Variants in TDRD3 observed in about 807,000 individuals in gnomAD.
TDRD3 encodes tudor domain containing 3.
In TDRD3, 45 loss-of-function variants were observed where a neutral mutation model predicts 86.7. That is an observed-to-expected ratio of 0.52 (90% CI 0.41 to 0.67). The LOEUF is 0.67. Among genes scored for constraint, TDRD3 ranks in the 30% least tolerant of loss-of-function variants. The pLI, the probability that TDRD3 is intolerant of heterozygous loss-of-function variation, is 0.00. For missense variants in TDRD3, 814 were observed against 889.0 expected (o/e 0.92, Z 1.07); for synonymous variants, 298 against 301.7 (o/e 0.99, Z 0.13).
chr13:60,535,237 C>G lies in TDRD3; in HGVS notation c.2118+4C>G. On this transcript the variant is annotated splice_donor_region_variant and intron_variant, in intron 12 of 13. Transcript: ENST00000377881. ...GCCCATTCAAACAGAGGCATGGGTA[C>G]GTGATACATATTCTGTACAAAGGCA... is the stretch of plus-strand genomic sequence containing the variant. 6.2e-7 allele frequency: 1 copy of G among 1,611,856 alleles called. No homozygotes were observed. The highest frequency in any genetic ancestry group is 8.5e-7 in the Non-Finnish European group (1 of 1,178,964).
intron 12 of TDRD3, among the ~76,000 whole-genome samples, chr13:60,560,465 T>C (rs915201070): frequency 6.6e-6 from 1 of 152,236 alleles, no homozygotes; most frequent in African/African-American, 2.4e-5. Flanking sequence ...GATTAAAATA[T>C]GGATGCAGCT....
At chr13:60,530,165 A>G (rs1040721594) in intron 11 of TDRD3, among the ~76,000 whole-genome samples, 4 of 152,184 alleles carry the variant, frequency 2.6e-5, no homozygotes, top group Non-Finnish European at 5.9e-5. Flanking sequence ...TTGAATTGGT[A>G]TCTTTTTGCA....
intron 4 of TDRD3, 39 bp downstream of exon 4, chr13:60,460,579 T>C (rs1955781429): frequency 6.7e-7 from 1 of 1,494,636 alleles, no homozygotes; most frequent in Non-Finnish European, 8.9e-7. Flanking sequence ...TTACAGAATG[T>C]TGAAGGTGCT....
intron 10 of TDRD3, among the ~76,000 whole-genome samples, chr13:60,516,267 T>A (rs995923052): frequency 1.8e-4 from 28 of 152,246 alleles, no homozygotes; most frequent in African/African-American, 6.8e-4. Flanking sequence ...GGACTTGTTA[T>A]GTCATATCAG....
intron 4 of TDRD3, 141 bp from the exon 5 acceptor site, chr13:60,467,097 C>T: frequency 1.1e-6 from 1 of 875,208 alleles, no homozygotes; most frequent in Non-Finnish European, 1.7e-6. Context: ...CTATTAAGCC[C>T]AGCATGCATT....
intron 3 of TDRD3, among the ~76,000 whole-genome samples, chr13:60,454,673 T>C (rs554871431): frequency 6.6e-6 from 1 of 152,234 alleles, no homozygotes; most frequent in East Asian, 1.9e-4. Flanking sequence ...AGTTGCAGTG[T>C]TGTTACTGCC....
intron 12 of TDRD3, among the ~76,000 whole-genome samples, chr13:60,561,974 A>G (rs1958344799): frequency 1.3e-5 from 2 of 152,088 alleles, no homozygotes; most frequent in African/African-American, 4.8e-5. Context: ...ATAATAATAC[A>G]TGACTCCCAT....
At chr13:60,503,459 G>A (rs374961236) in intron 8 of TDRD3, among the ~76,000 whole-genome samples, 15 of 152,032 alleles carry the variant, frequency 9.9e-5, no homozygotes, top group African/African-American at 3.1e-4. Context: ...TTAGACATTC[G>A]ACTTTTAGAA....
intron 8 of TDRD3, among the ~76,000 whole-genome samples, chr13:60,494,931 A>C (rs1418545534): frequency 6.6e-6 from 1 of 152,150 alleles, no homozygotes; most frequent in African/African-American, 2.4e-5. Context: ...TTTGTTTTCT[A>C]CTGCTCTTTG....
At chr13:60,405,311 C>G (rs1954208595) in intron 1 of TDRD3, among the ~76,000 whole-genome samples, 1 of 152,040 alleles carries the variant, frequency 6.6e-6, no homozygotes, top group Non-Finnish European at 1.5e-5. Context: ...CAGGCACTTT[C>G]TTAGTATAGT....
intron 1 of TDRD3, among the ~76,000 whole-genome samples, chr13:60,399,247 G>A (rs796101755): frequency 6.6e-4 from 101 of 152,296 alleles, no homozygotes; most frequent in African/African-American, 2.3e-3. Context: ...AGAAGCTTAG[G>A]TAGAGTCCCA....
intron 11 of TDRD3, among the ~76,000 whole-genome samples, chr13:60,532,573 C>A (rs537163528): frequency 1.3e-5 from 2 of 152,294 alleles, no homozygotes; most frequent in South Asian, 4.1e-4. Context: ...CCATAATCTT[C>A]TTAATTGCAT....
chr13:60,411,903 G>T (rs1362574809), intron 1 of TDRD3, among the ~76,000 whole-genome samples: 1 of 152,178 alleles, frequency 6.6e-6, no homozygotes, highest in Non-Finnish European at 1.5e-5. Context: ...TATTGTCATT[G>T]TCTTCATGGT....
At chr13:60,457,904 G>A (rs939365725) in intron 3 of TDRD3, among the ~76,000 whole-genome samples, 3 of 152,026 alleles carry the variant, frequency 2.0e-5, no homozygotes, top group South Asian at 4.1e-4. Flanking sequence ...AAGGACACTC[G>A]TCATTGGCTT....
intron 3 of TDRD3, among the ~76,000 whole-genome samples, chr13:60,459,399 T>TCTAAAA (rs1955754276): frequency 6.6e-6 from 1 of 152,238 alleles, no homozygotes; most frequent in Non-Finnish European, 1.5e-5. Flanking sequence ...TTGCTCTAAG[T>TCTAAAA]ATATTTGTTT....
At chr13:60,517,956 C>CA (rs1256197016) in intron 10 of TDRD3, among the ~76,000 whole-genome samples, 1 of 152,168 alleles carries the variant, frequency 6.6e-6, no homozygotes, top group Non-Finnish European at 1.5e-5. Flanking sequence ...CCAGAACCTG[C>CA]AGCTAAAACA....
At chr13:60,530,211 T>C (rs1429433764) in intron 11 of TDRD3, among the ~76,000 whole-genome samples, 1 of 152,242 alleles carries the variant, frequency 6.6e-6, no homozygotes, top group Non-Finnish European at 1.5e-5. Context: ...GGCTGGACTG[T>C]GCCTCTCTGG....
At chr13:60,475,836 GTC>G (rs1956174059) in intron 5 of TDRD3, among the ~76,000 whole-genome samples, 1 of 152,138 alleles carries the variant, frequency 6.6e-6, no homozygotes, top group Non-Finnish European at 1.5e-5. Context: ...CCATTTGTAT[GTC>G]TTCTTTTGAG....
chr13:60,539,216 A>G (rs373116566), intron 12 of TDRD3, among the ~76,000 whole-genome samples: 1 of 152,140 alleles, frequency 6.6e-6, no homozygotes, highest in African/African-American at 2.4e-5. Flanking sequence ...TATCTAGTAC[A>G]TCTCTTAGTT....
Sources: gnomAD v4.1 joint callset for allele counts (sites outside exome capture counted in the v4.1 genomes callset) on GRCh38, gnomAD v4.1.1 for gene constraint, MANE v1.5 for transcripts, NCBI Gene and HGNC (gene_info 2026-07-23, HGNC 2026-07-21) for gene names.